The following MARCHF1 variants were observed in gnomAD, a reference collection of about 807,000 sequenced individuals.
MARCHF1 encodes E3 ubiquitin-protein ligase MARCHF1.
In MARCHF1, 40 loss-of-function variants were observed where a neutral mutation model predicts 54.2. The observed-to-expected ratio is 0.74, with a 90% CI of 0.57 to 0.96. MARCHF1 has a LOEUF of 0.96. Ranked by LOEUF, MARCHF1 falls within the 40% of genes least tolerant of loss-of-function variation. The pLI is 0.00. For missense variants in MARCHF1, 586 were observed against 656.5 expected (o/e 0.89, Z 1.17); for synonymous variants, 236 against 236.3 (o/e 1.00, Z 0.01).
intron 1 of MARCHF1, among the ~76,000 whole-genome samples, chr4:164,316,054 C>T (rs568030431): frequency 3.9e-5 from 6 of 152,130 alleles, no homozygotes; most frequent in Admixed American, 6.5e-5. Flanking sequence ...ATACTCCTCT[C>T]AATGGGTTAT....
intron 1 of MARCHF1, chr4:164,189,741 A>G (rs1731074277): frequency 1.6e-6 from 2 of 1,219,200 alleles, no homozygotes; most frequent in Non-Finnish European, 2.4e-6. Flanking sequence ...AGCTTCTGAT[A>G]ATCAACCAAC....
In MARCHF1 at chr4:163,612,957, C is replaced by T; in HGVS notation, c.324G>A (p.Glu108=). The stretch of plus-strand genomic sequence containing the variant: ...TTTGTATTACTGATTTCTTACCAGA[C>T]TCCTTCCTAGCAGGGCTCAGCACCA... ...PVMVLSPARK[E]SGKKSVIQRP... The change falls in exon 7 of 10, where the codon GAG becomes GAA. Residue 108 remains glutamate (E), a synonymous_variant. Coordinates refer to ENST00000514618, the MANE Select transcript of MARCHF1 (RefSeq NM_001394959.1). The T allele has an allele frequency of 6.5e-7, 1 of 1,534,754 alleles. No individual in the cohort carries two copies. Among genetic ancestry groups the T allele is most frequent in the Non-Finnish European group, 8.7e-7 (1 of 1,146,208 alleles).
intron 4 of MARCHF1, among the ~76,000 whole-genome samples, chr4:163,771,319 TGAGGTTGAG>T (rs1747154382): frequency 6.6e-6 from 1 of 152,152 alleles, no homozygotes; most frequent in Non-Finnish European, 1.5e-5. Flanking sequence ...TCAATAGTGC[TGAGGTTGAG>T]AAAGCGGCTT....
At chr4:164,350,051 A>C (rs901217203) in intron 1 of MARCHF1, among the ~76,000 whole-genome samples, 1 of 152,206 alleles carries the variant, frequency 6.6e-6, no homozygotes, top group Non-Finnish European at 1.5e-5. Flanking sequence ...ATTAAATTGC[A>C]ATGTTCACAA....
At chr4:163,911,888 G>T (rs1217274493) in intron 3 of MARCHF1, among the ~76,000 whole-genome samples, 1 of 152,056 alleles carries the variant, frequency 6.6e-6, no homozygotes, top group Non-Finnish European at 1.5e-5. Context: ...GTAGCCCCCA[G>T]AACTATAAGA....
intron 1 of MARCHF1, among the ~76,000 whole-genome samples, chr4:164,311,576 T>C (rs1449749630): frequency 6.6e-6 from 1 of 152,214 alleles, no homozygotes; most frequent in African/African-American, 2.4e-5. Flanking sequence ...AGTTAGTTTC[T>C]GGTTGCTATG....
At chr4:163,662,222 A>T (rs574080681) in intron 5 of MARCHF1, among the ~76,000 whole-genome samples, 1 of 152,088 alleles carries the variant, frequency 6.6e-6, no homozygotes, top group East Asian at 1.9e-4. Flanking sequence ...TCAAATAATG[A>T]AATTTCACAT....
At chr4:163,681,719 CA>C (rs1437671113) in intron 5 of MARCHF1, among the ~76,000 whole-genome samples, 1 of 152,208 alleles carries the variant, frequency 6.6e-6, no homozygotes, top group East Asian at 1.9e-4. Context: ...CTTGCCCAGC[CA>C]TGCTGAACTG....
intron 1 of MARCHF1, among the ~76,000 whole-genome samples, chr4:164,152,109 G>A (rs771144166): frequency 7.9e-5 from 12 of 152,008 alleles, no homozygotes; most frequent in Non-Finnish European, 8.8e-5. Context: ...ATGTTCTAAT[G>A]GAAATGGGGG....
intron 8 of MARCHF1, among the ~76,000 whole-genome samples, chr4:163,575,735 T>A (rs1345647977): frequency 6.6e-6 from 1 of 152,064 alleles, no homozygotes; most frequent in Non-Finnish European, 1.5e-5. Flanking sequence ...TTGATATTGA[T>A]CTGTTCAGGG....
intron 3 of MARCHF1, among the ~76,000 whole-genome samples, chr4:163,889,572 G>T (rs969153444): frequency 1.3e-5 from 2 of 152,050 alleles, no homozygotes; most frequent in African/African-American, 4.8e-5. Context: ...AAGAAGTAAA[G>T]ACAATAGATG....
intron 4 of MARCHF1, among the ~76,000 whole-genome samples, chr4:163,778,005 T>C (rs1443112055): frequency 6.6e-6 from 1 of 152,212 alleles, no homozygotes; most frequent in Non-Finnish European, 1.5e-5. Context: ...TTTTCCAGAA[T>C]GTAACATCAG....
At chr4:164,192,876 G>A (rs549838779) in intron 1 of MARCHF1, among the ~76,000 whole-genome samples, 4 of 152,186 alleles carry the variant, frequency 2.6e-5, no homozygotes, top group East Asian at 1.9e-4. Flanking sequence ...GGCACTTTTC[G>A]GAAGAAGCAT....
At chr4:163,760,349 A>C (rs1746793880) in intron 4 of MARCHF1, among the ~76,000 whole-genome samples, 2 of 152,122 alleles carry the variant, frequency 1.3e-5, no homozygotes, top group African/African-American at 4.8e-5. Flanking sequence ...TCTTAATTCT[A>C]TTTGCAATTT....
chr4:164,143,913 G>A (rs1300642771), intron 1 of MARCHF1, among the ~76,000 whole-genome samples: 1 of 152,168 alleles, frequency 6.6e-6, no homozygotes, highest in Admixed American at 6.5e-5. Context: ...TCAGTGTGCT[G>A]TATTCATGAA....
At chr4:164,069,897 A>C (rs1754826602) in intron 2 of MARCHF1, among the ~76,000 whole-genome samples, 1 of 152,238 alleles carries the variant, frequency 6.6e-6, no homozygotes, top group African/African-American at 2.4e-5. Context: ...TGGATTGAAA[A>C]ATGTGGTACA....
chr4:163,912,095 T>C (rs1254230355), intron 3 of MARCHF1, among the ~76,000 whole-genome samples: 1 of 151,220 alleles, frequency 6.6e-6, no homozygotes, highest in African/African-American at 2.4e-5. Flanking sequence ...GTTTTAGTTC[T>C]AGACATCACA....
intron 4 of MARCHF1, among the ~76,000 whole-genome samples, chr4:163,844,744 C>T (rs183621324): frequency 2.6e-5 from 4 of 152,250 alleles, no homozygotes; most frequent in African/African-American, 9.6e-5. Flanking sequence ...TAACAGACAG[C>T]TATGGAGCCC....
chr4:163,558,889 T>C (rs773411612), intron 8 of MARCHF1, among the ~76,000 whole-genome samples: 5 of 152,170 alleles, frequency 3.3e-5, no homozygotes, highest in Non-Finnish European at 5.9e-5. Context: ...TCAGAGAACA[T>C]TGATCCTCTC....
Sources: allele counts gnomAD v4.1 joint callset (sites outside exome capture counted in the v4.1 genomes callset), GRCh38; gene constraint gnomAD v4.1.1; transcripts MANE v1.5; gene names NCBI Gene and HGNC (gene_info 2026-07-23, HGNC 2026-07-21).